The following CPQ variants were observed in gnomAD, a reference collection of about 807,000 sequenced individuals.
CPQ encodes the protein Ser-Met dipeptidase.
Under a neutral mutation model 45.7 loss-of-function variants are expected in CPQ, and 37 were observed. The ratio of observed to expected loss-of-function variants is 0.81; its 90% CI spans 0.62 to 1.07. The LOEUF is 1.07. Ranked by LOEUF, CPQ falls within the 50% of genes least tolerant of loss-of-function variation. The probability of loss-of-function intolerance (pLI) is 0.00; values close to 1 mark genes in which losing one functional copy is unlikely to be tolerated. For missense variants in CPQ, 537 were observed against 572.9 expected, an observed-to-expected ratio of 0.94 and a Z score of 0.64; for synonymous variants, 186 against 205.8, an observed-to-expected ratio of 0.90 and a Z score of 0.82.
At chr8:97,050,142 A>G (rs186908291) in intron 6 of CPQ, among the ~76,000 whole-genome samples, 1 of 152,272 alleles carries the variant, frequency 6.6e-6, no homozygotes, top group Admixed American at 6.5e-5. Flanking sequence ...TCTAGAGTCT[A>G]TTCTGAAGAT....
chr8:96,859,839 G>A (rs1171143100), intron 3 of CPQ, among the ~76,000 whole-genome samples: 2 of 152,016 alleles, frequency 1.3e-5, no homozygotes, highest in African/African-American at 4.8e-5. Flanking sequence ...ATTTGTCACT[G>A]TTACAGTCTT....
chr8:96,982,252 C>T (rs1421637535), intron 5 of CPQ, among the ~76,000 whole-genome samples: 1 of 152,178 alleles, frequency 6.6e-6, no homozygotes, highest in African/African-American at 2.4e-5. Flanking sequence ...AAATATATAA[C>T]ATTTCCCGAT....
intron 5 of CPQ, among the ~76,000 whole-genome samples, chr8:96,967,809 C>A (rs928217428): frequency 1.3e-5 from 2 of 152,198 alleles, no homozygotes; most frequent in African/African-American, 4.8e-5. Flanking sequence ...CAAATCTCAG[C>A]TCTGCAGTCT....
intron 3 of CPQ, among the ~76,000 whole-genome samples, chr8:96,846,037 C>T (rs1239370235): frequency 6.6e-6 from 1 of 152,092 alleles, no homozygotes; most frequent in Non-Finnish European, 1.5e-5. Flanking sequence ...AGGCTGGTCT[C>T]GAACTCCTGA....
At chr8:96,811,001 A>G (rs1369488869) in intron 2 of CPQ, among the ~76,000 whole-genome samples, 1 of 152,202 alleles carries the variant, frequency 6.6e-6, no homozygotes, top group Admixed American at 6.6e-5. Context: ...AAATATCAAA[A>G]TAGTGTTGTA....
intron 1 of CPQ, among the ~76,000 whole-genome samples, chr8:96,662,144 G>A (rs1256159649): frequency 6.6e-6 from 1 of 152,074 alleles, no homozygotes; most frequent in Non-Finnish European, 1.5e-5. Context: ...TTTTCTTGTT[G>A]CTGAGTTTTT....
At chr8:96,973,273 G>A (rs917175586) in intron 5 of CPQ, among the ~76,000 whole-genome samples, 5 of 151,792 alleles carry the variant, frequency 3.3e-5, no homozygotes, top group Non-Finnish European at 7.4e-5. Flanking sequence ...AAGAAATTCA[G>A]AGTTCAAAGA....
At chr8:96,744,320 T>G (rs1358835182) in intron 1 of CPQ, among the ~76,000 whole-genome samples, 1 of 152,232 alleles carries the variant, frequency 6.6e-6, no homozygotes, top group African/African-American at 2.4e-5. Context: ...AGGCAATGCC[T>G]CGCCCTGCTT....
chr8:96,708,924 A>G lies in CPQ; in HGVS notation c.-35+63522A>G, dbSNP rs947451197. Among the ~76,000 whole-genome samples, 7 of 152,044 alleles carry G rather than the reference A, an allele frequency of 4.6e-5. No homozygotes were observed. In the East Asian group the frequency reaches 1.3e-3, roughly 29 times the overall value. On this transcript the variant is annotated intron_variant, in intron 1 of 7. Coordinates refer to ENST00000220763, the MANE Select transcript of CPQ (RefSeq NM_016134.4). ...ATATTCTTAATATATAACTCCTAAAATATCTTTCAGATCTGTCTACTTCTT... is the reference window on the plus strand; with the variant it reads ...ATATTCTTAATATATAACTCCTAAAGTATCTTTCAGATCTGTCTACTTCTT...
At chr8:96,927,104 A>G (rs939425812) in intron 4 of CPQ, among the ~76,000 whole-genome samples, 5 of 152,186 alleles carry the variant, frequency 3.3e-5, no homozygotes, top group Admixed American at 2.0e-4. Flanking sequence ...CTTTCCTTGA[A>G]GCTTTAAATA....
At chr8:96,714,923 G>T (rs1341373551) in intron 1 of CPQ, among the ~76,000 whole-genome samples, 3 of 152,126 alleles carry the variant, frequency 2.0e-5, no homozygotes, top group Non-Finnish European at 4.4e-5. Context: ...GTTGATTATA[G>T]ATAGTCTTTG....
intron 2 of CPQ, among the ~76,000 whole-genome samples, chr8:96,811,434 G>A (rs116745952): frequency 1.3e-3 from 191 of 152,088 alleles, no homozygotes; most frequent in African/African-American, 4.3e-3. Context: ...CTAACTGGGT[G>A]TATAAATTTT....
At chr8:97,038,504 A>T (rs1229236447) in intron 6 of CPQ, among the ~76,000 whole-genome samples, 1 of 152,194 alleles carries the variant, frequency 6.6e-6, no homozygotes, top group Non-Finnish European at 1.5e-5. Flanking sequence ...CTGAGGCATC[A>T]TGCCTTGGGC....
chr8:96,978,632 C>T lies in CPQ; in HGVS notation c.961+12586C>T, dbSNP rs1813830181. ...TTTCTACAGCATGCTTAGCTTCCTC[C>T]CCGATGTATGCTTTGATTTGGCCTT... is the stretch of plus-strand genomic sequence containing the variant. On this transcript the variant is annotated intron_variant, in intron 5 of 7. Transcript: ENST00000220763. 2.0e-5 allele frequency among the ~76,000 whole-genome samples: 3 copies of T among 152,240 alleles called. No homozygotes were observed. In the South Asian group the frequency reaches 6.2e-4, roughly 32 times the overall value.
intron 5 of CPQ, among the ~76,000 whole-genome samples, chr8:96,988,050 G>T (rs1809022104): frequency 6.6e-6 from 1 of 152,162 alleles, no homozygotes; most frequent in African/African-American, 2.4e-5. Flanking sequence ...GAGATTAGTT[G>T]ATCTATATCC....
At chr8:96,735,405 C>T (rs1467050885) in intron 1 of CPQ, among the ~76,000 whole-genome samples, 1 of 152,166 alleles carries the variant, frequency 6.6e-6, no homozygotes, top group African/African-American at 2.4e-5. Context: ...ACTAAGTGTT[C>T]CAGCTTCTGT....
intron 7 of CPQ, among the ~76,000 whole-genome samples, chr8:97,109,021 A>G (rs574235143): frequency 1.3e-5 from 2 of 152,202 alleles, no homozygotes; most frequent in African/African-American, 4.8e-5. Context: ...CTCTCCTTCA[A>G]ATATCTTGAG....
chr8:96,888,373 G>A (rs1171133985), intron 4 of CPQ, among the ~76,000 whole-genome samples: 1 of 152,032 alleles, frequency 6.6e-6, no homozygotes, highest in Non-Finnish European at 1.5e-5. Flanking sequence ...GTCTGAAAAA[G>A]CTTGAAGGTC....
rs149177930 is a variant in CPQ at position 96,805,067 on chromosome 8, T to C, written c.433+19737T>C. On this transcript the variant is annotated intron_variant, in intron 2 of 7. Transcript: ENST00000220763. ...GTGATATAACTGGTCTGAACAAAAA[T>C]ATAGCTAATGATGTGCAAGCAGAAA... is the stretch of plus-strand genomic sequence containing the variant. 2.3e-3 allele frequency among the ~76,000 whole-genome samples: 347 copies of C among 152,284 alleles called. 4 individuals carry two copies. The highest frequency in any genetic ancestry group is 8.2e-3 in the African/African-American group (339 of 41,556).
Sources: allele counts gnomAD v4.1 joint callset (sites outside exome capture counted in the v4.1 genomes callset), GRCh38; gene constraint gnomAD v4.1.1; transcripts MANE v1.5; gene names NCBI Gene and HGNC (gene_info 2026-07-23, HGNC 2026-07-21).